Variants in C16orf87 observed in about 807,000 individuals in gnomAD.
C16orf87 encodes UPF0547 protein C16orf87.
In C16orf87, 13 loss-of-function variants were observed where a neutral mutation model predicts 21.0. That is an observed-to-expected ratio of 0.62 (90% CI 0.40 to 0.98). C16orf87 has a LOEUF of 0.98. Among genes scored for constraint, C16orf87 ranks in the 50% least tolerant of loss-of-function variants. C16orf87 has a pLI of 0.00. For missense variants in C16orf87, 113 were observed against 180.4 expected (o/e 0.63, Z 2.14); for synonymous variants, 49 against 60.2 (o/e 0.81, Z 0.86).
At chr16:46,827,381 C>T (rs1275509142) in intron 1 of C16orf87, among the ~76,000 whole-genome samples, 1 of 152,078 alleles carries the variant, frequency 6.6e-6, no homozygotes, top group African/African-American at 2.4e-5. Flanking sequence ...TAAACAAACA[C>T]ACTAAAGTTT....
At chr16:46,829,703 G>A (rs1265898612) in intron 1 of C16orf87, among the ~76,000 whole-genome samples, 1 of 152,140 alleles carries the variant, frequency 6.6e-6, no homozygotes, top group Admixed American at 6.6e-5. Context: ...TGGAAAACAT[G>A]ACTAAACTGT....
At chr16:46,809,039 A>AAAAT (rs1968005678) in intron 3 of C16orf87, among the ~76,000 whole-genome samples, 1 of 150,582 alleles carries the variant, frequency 6.6e-6, no homozygotes, top group Non-Finnish European at 1.5e-5. Context: ...AAAAAAAAAA[A>AAAAT]GAGGTCCCAA....
Position 46,805,107 on chromosome 16 carries a change from A to T in C16orf87, c.347-2037T>A, listed in dbSNP as rs1259731034. 2.6e-5 allele frequency among the ~76,000 whole-genome samples: 4 copies of T among 152,292 alleles called. No individual in the cohort carries two copies. The East Asian group carries it at 7.7e-4, about 29-fold the overall frequency. On this transcript the variant is annotated intron_variant, in intron 3 of 3. Transcript: ENST00000285697. The stretch of plus-strand genomic sequence containing the variant: ...TTCTCTTTTTAGACTGGGAATTTGT[A>T]GGCCCTTTTAACAAAGAAACTCAAT...
intron 2 of C16orf87, among the ~76,000 whole-genome samples, chr16:46,815,428 A>G (rs1968213313): frequency 6.6e-6 from 1 of 151,996 alleles, no homozygotes; most frequent in Non-Finnish European, 1.5e-5. Flanking sequence ...ACTTCTGTGT[A>G]TCAAAGGACA....
intron 1 of C16orf87, among the ~76,000 whole-genome samples, chr16:46,824,796 G>A (rs1959552962): frequency 6.6e-6 from 1 of 151,630 alleles, no homozygotes; most frequent in African/African-American, 2.4e-5. Context: ...CTCCCAAGTA[G>A]CTGGGACTAC....
chr16:46,811,525 A>T (rs1333857820), intron 2 of C16orf87, among the ~76,000 whole-genome samples: 1 of 151,452 alleles, frequency 6.6e-6, no homozygotes, highest in Admixed American at 6.6e-5. Flanking sequence ...AAAGAGAGAG[A>T]GAAGCAGACT....
chr16:46,806,060 A>C (rs185774701), intron 3 of C16orf87, among the ~76,000 whole-genome samples: 322 of 152,252 alleles, frequency 2.1e-3, no homozygotes, highest in Non-Finnish European at 3.5e-3. Context: ...TGGGCTACTC[A>C]TAAAAAGACT....
At chr16:46,804,435 T>C (rs928937752) in intron 3 of C16orf87, among the ~76,000 whole-genome samples, 1 of 152,188 alleles carries the variant, frequency 6.6e-6, no homozygotes, top group Non-Finnish European at 1.5e-5. Context: ...TGGTAGCAAA[T>C]TTTTTGAGAC....
Position 46,796,839 on chromosome 16 carries a change from A to ATAG in C16orf87, c.*6112_*6113insCTA, listed in dbSNP as rs1423623998. 6.6e-6 allele frequency: 1 copy of ATAG among 152,256 alleles called. No homozygotes were observed. Among genetic ancestry groups the ATAG allele is most frequent in the Non-Finnish European group, 1.5e-5 (1 of 68,046 alleles). 9.4% of individuals were successfully genotyped at this position (152,256 alleles called of 1,614,324 possible). A position where few individuals can be genotyped will look rare whatever the true frequency, so the allele number is the denominator to read the frequency against. ...ATATCTGAATGGTTTAAAACTTTAC[A>ATAG]TAATCTGATGAAAGGCATAAACTTA... On this transcript the variant is annotated 3_prime_UTR_variant, in exon 4 of 4. Transcript: ENST00000285697.
intron 2 of C16orf87, among the ~76,000 whole-genome samples, chr16:46,818,825 G>C (rs1436117555): frequency 1.3e-5 from 2 of 152,136 alleles, no homozygotes; most frequent in African/African-American, 4.8e-5. Context: ...AAGTAGCTGA[G>C]ACAACAGGCA....
At chr16:46,812,408 TATA>T (rs1438940113) in intron 2 of C16orf87, among the ~76,000 whole-genome samples, 1 of 152,232 alleles carries the variant, frequency 6.6e-6, no homozygotes, top group Non-Finnish European at 1.5e-5. Flanking sequence ...TTTTTTATGT[TATA>T]ATGGCATTGT....
At position 46,827,358 on chromosome 16, in the gene C16orf87, A is replaced by G. The variant is rs150851451; in HGVS notation, c.67-2876T>C. ...TTAACCTCATTTCATTAATTATAGT[A>G]TAATTTAGATTTTAAACAAACACAC... On this transcript the variant is annotated intron_variant, in intron 1 of 3. Coordinates refer to ENST00000285697, the MANE Select transcript of C16orf87 (RefSeq NM_001001436.4). Among the ~76,000 whole-genome samples the G allele has an allele frequency of 5.7e-3, 866 of 152,328 alleles. 6 individuals are homozygous for G. Among genetic ancestry groups the G allele is most frequent in the Non-Finnish European group, 9.3e-3 (635 of 68,018 alleles).
intron 1 of C16orf87, among the ~76,000 whole-genome samples, chr16:46,830,260 GAGAC>G (rs1379028002): frequency 3.9e-4 from 52 of 132,142 alleles, no homozygotes; most frequent in African/African-American, 1.3e-3. Flanking sequence ...GAGATAGAGA[GAGAC>G]AGACAGAGAG....
At chr16:46,809,464 A>T (rs1167776455) in intron 3 of C16orf87, 139 bp downstream of exon 3, 1 of 621,014 alleles carries the variant, frequency 1.6e-6, no homozygotes, top group South Asian at 2.2e-5. Context: ...TCTACCACAG[A>T]GGAAATGCTT....
chr16:46,804,570 T>C (rs1390484962), intron 3 of C16orf87, among the ~76,000 whole-genome samples: 3 of 152,244 alleles, frequency 2.0e-5, no homozygotes, highest in Admixed American at 2.0e-4. Context: ...ACTGGTGCCA[T>C]TGTTGAGAAA....
chr16:46,809,709 A>C lies in C16orf87; in HGVS notation c.240T>G (p.Asp80Glu). 6.2e-7 allele frequency: 1 copy of C among 1,608,292 alleles called. No homozygotes were observed. Among genetic ancestry groups the C allele is most frequent in the South Asian group, 1.1e-5 (1 of 90,934 alleles). The change falls in exon 3 of 4, where the codon GAT (aspartate) becomes GAG (glutamate). Residue 80 changes from aspartate to glutamate, a missense_variant. Coordinates refer to ENST00000285697, the MANE Select transcript of C16orf87 (RefSeq NM_001001436.4). Reference protein sequence around the residue: ...REKINSTVNKDLENRKRSRSN... With the variant: ...REKINSTVNKELENRKRSRSN... ...TTCGAGACCTCTTTCTGTTTTCTAA[A>C]TCTTTATTTACTGTAGAATTTATCT...
rs1002381516 is a variant in C16orf87 at position 46,813,147 on chromosome 16, C to T, written c.164-3362G>A. Among the ~76,000 whole-genome samples the T allele has an allele frequency of 3.9e-5, 6 of 152,264 alleles. No individual in the cohort carries two copies. In the East Asian group the frequency reaches 1.2e-3, roughly 29 times the overall value. On this transcript the variant is annotated intron_variant, in intron 2 of 3. Transcript: ENST00000285697. ...ATGGCTCCAAAGTTTTCACCTTCTG[C>T]TCTGATTTCTTCCCTAAACTCTAGA...
chr16:46,829,786 T>C (rs1273831088), intron 1 of C16orf87, among the ~76,000 whole-genome samples: 1 of 152,196 alleles, frequency 6.6e-6, no homozygotes, highest in African/African-American at 2.4e-5. Context: ...GCATTTTTAC[T>C]ACAGCCCATA....
Position 46,800,070 on chromosome 16 carries a change from G to C in C16orf87, c.*2882C>G, listed in dbSNP as rs887217152. On this transcript the variant is annotated 3_prime_UTR_variant, in exon 4 of 4. Coordinates refer to ENST00000285697, the MANE Select transcript of C16orf87 (RefSeq NM_001001436.4). ...AATGATCAGAATTAGAGAATCAAGT[G>C]CAATTACTAGAGTTAAAGAAGTCAA... 2.0e-5 allele frequency: 3 copies of C among 152,098 alleles called. No homozygotes were observed. The highest frequency in any genetic ancestry group is 7.2e-5 in the African/African-American group (3 of 41,402). 9.4% of individuals were successfully genotyped at this position (152,098 alleles called of 1,614,324 possible).
Sources: gnomAD v4.1 joint callset for allele counts (sites outside exome capture counted in the v4.1 genomes callset) on GRCh38, gnomAD v4.1.1 for gene constraint, MANE v1.5 for transcripts, NCBI Gene and HGNC (gene_info 2026-07-23, HGNC 2026-07-21) for gene names.